The following SAMD12 variants were observed in gnomAD, a reference collection of about 807,000 sequenced individuals.
The protein encoded by SAMD12 is sterile alpha motif domain containing 12, also known as sterile alpha motif domain-containing protein 12.
In SAMD12, 9 loss-of-function variants were observed where a neutral mutation model predicts 15.0. The ratio of observed to expected loss-of-function variants is 0.60; its 90% CI spans 0.36 to 1.05. The LOEUF is 1.05. Ranked by LOEUF, SAMD12 falls within the 50% of genes least tolerant of loss-of-function variation. The pLI, the probability that SAMD12 is intolerant of heterozygous loss-of-function variation, is 0.01. For missense variants in SAMD12, 230 were observed against 234.2 expected (o/e 0.98, Z 0.12); for synonymous variants, 86 against 90.1 (o/e 0.96, Z 0.25).
intron 4 of SAMD12, among the ~76,000 whole-genome samples, chr8:118,367,087 T>C (rs1425745968): frequency 6.6e-6 from 1 of 151,988 alleles, no homozygotes; most frequent in African/African-American, 2.4e-5. Context: ...AGAATTGGCA[T>C]GTAGAAATTC....
At chr8:118,482,834 G>C (rs1298773385) in intron 2 of SAMD12, among the ~76,000 whole-genome samples, 2 of 152,150 alleles carry the variant, frequency 1.3e-5, no homozygotes, top group Non-Finnish European at 2.9e-5. Flanking sequence ...GGATGCTTTT[G>C]CAATAAAATT....
At chr8:118,598,362 A>T (rs945920327) in intron 1 of SAMD12, among the ~76,000 whole-genome samples, 1 of 152,236 alleles carries the variant, frequency 6.6e-6, no homozygotes, top group Non-Finnish European at 1.5e-5. Flanking sequence ...CCTTACAAGA[A>T]GGGGAAGAGA....
chr8:118,490,295 A>G (rs975755667), intron 2 of SAMD12, among the ~76,000 whole-genome samples: 2 of 152,202 alleles, frequency 1.3e-5, no homozygotes, highest in Non-Finnish European at 2.9e-5. Flanking sequence ...AGTTTATAAT[A>G]GTGGGTCATG....
Position 118,451,806 on chromosome 8 carries a change from T to C in SAMD12, c.193-11845A>G, listed in dbSNP as rs549882779. 3.9e-5 allele frequency among the ~76,000 whole-genome samples: 6 copies of C among 152,254 alleles called. No homozygotes were observed. In the East Asian group the frequency reaches 1.2e-3, roughly 29 times the overall value. ...TTCCAATACTAGCATTCTTGGGCTT[T>C]AAAAGTTAGCCACCCCCAACCCCAG... is the stretch of plus-strand genomic sequence containing the variant. On this transcript the variant is annotated intron_variant, in intron 2 of 3. Transcript: ENST00000314727.
chr8:118,531,183 G>A (rs1474777157), intron 2 of SAMD12, among the ~76,000 whole-genome samples: 1 of 152,140 alleles, frequency 6.6e-6, no homozygotes, highest in Non-Finnish European at 1.5e-5. Flanking sequence ...TATTCAATAG[G>A]GAATCCTTTC....
At chr8:118,438,579 T>C (rs1822643659) in intron 3 of SAMD12, among the ~76,000 whole-genome samples, 1 of 151,994 alleles carries the variant, frequency 6.6e-6, no homozygotes, top group Non-Finnish European at 1.5e-5. Flanking sequence ...GAAACACACA[T>C]AGAAAACCAT....
chr8:118,240,336 A>T (rs1425542554), intron 4 of SAMD12, among the ~76,000 whole-genome samples: 2 of 152,178 alleles, frequency 1.3e-5, no homozygotes, highest in Non-Finnish European at 2.9e-5. Context: ...ATGAGATATA[A>T]TAACGTTTGT....
rs1586782985 is a variant in SAMD12 at position 118,519,951 on chromosome 8, T to C, written c.192+60764A>G. The stretch of plus-strand genomic sequence containing the variant: ...CATTGAAAAAAAAGTAATAATTACG[T>C]TGGTGCTTCCATAAGTTATAATTGC... On this transcript the variant is annotated intron_variant, in intron 2 of 3. Transcript: ENST00000314727. Among the ~76,000 whole-genome samples the C allele has an allele frequency of 2.0e-5, 3 of 152,150 alleles. No individual in the cohort carries two copies. In the East Asian group the frequency reaches 5.8e-4, roughly 29 times the overall value.
intron 2 of SAMD12, among the ~76,000 whole-genome samples, chr8:118,467,990 T>C (rs4074502): frequency 0.029 from 4,403 of 152,258 alleles, 179 homozygotes; most frequent in African/African-American, 0.086. Flanking sequence ...CAATGGGAGA[T>C]TGAAATCTGC....
chr8:118,582,443 C>A (rs529935937), intron 1 of SAMD12, among the ~76,000 whole-genome samples: 4 of 152,114 alleles, frequency 2.6e-5, no homozygotes, highest in Non-Finnish European at 5.9e-5. Flanking sequence ...TTTAAAAAAA[C>A]AAACTGATTG....
intron 2 of SAMD12, among the ~76,000 whole-genome samples, chr8:118,486,927 C>G (rs1824307296): frequency 6.6e-6 from 1 of 152,162 alleles, no homozygotes; most frequent in Non-Finnish European, 1.5e-5. Context: ...AGAATGCAGC[C>G]ACTGTCAAAC....
intron 4 of SAMD12, among the ~76,000 whole-genome samples, chr8:118,312,386 A>C (rs972971242): frequency 1.3e-5 from 2 of 152,184 alleles, no homozygotes; most frequent in South Asian, 4.1e-4. Flanking sequence ...TTTACTTGAA[A>C]GGCCATCCTC....
intron 1 of SAMD12, among the ~76,000 whole-genome samples, chr8:118,599,232 G>C (rs2131295191): frequency 6.6e-6 from 1 of 152,284 alleles, no homozygotes; most frequent in South Asian, 2.1e-4. Context: ...CAGCAGAGAT[G>C]CAACATGTCC....
intron 1 of SAMD12, among the ~76,000 whole-genome samples, chr8:118,610,871 T>C (rs1385035437): frequency 6.6e-6 from 1 of 152,210 alleles, no homozygotes; most frequent in African/African-American, 2.4e-5. Flanking sequence ...CATGAAATCC[T>C]GCAGTTCCCT....
intron 2 of SAMD12, among the ~76,000 whole-genome samples, chr8:118,545,700 A>G (rs1391040918): frequency 6.6e-6 from 1 of 152,224 alleles, no homozygotes; most frequent in African/African-American, 2.4e-5. Context: ...GAAAAAACAT[A>G]CTGGCAATGA....
At chr8:118,577,763 A>AC (rs1364716856) in intron 2 of SAMD12, among the ~76,000 whole-genome samples, 2 of 152,156 alleles carry the variant, frequency 1.3e-5, no homozygotes, top group Non-Finnish European at 2.9e-5. Context: ...TTCAAGGCAC[A>AC]CGTGGCCAAA....
chr8:118,551,158 G>C (rs1206756538), intron 2 of SAMD12, among the ~76,000 whole-genome samples: 1 of 152,192 alleles, frequency 6.6e-6, no homozygotes, highest in East Asian at 1.9e-4. Context: ...ATGGAAATCA[G>C]CTCTGCACCA....
At chr8:118,353,098 T>G (rs1438354152) in intron 4 of SAMD12, among the ~76,000 whole-genome samples, 2 of 152,102 alleles carry the variant, frequency 1.3e-5, no homozygotes, top group East Asian at 1.9e-4. Context: ...AATATACATT[T>G]ATATTTTATT....
intron 2 of SAMD12, among the ~76,000 whole-genome samples, chr8:118,538,817 G>A (rs1825915608): frequency 6.6e-6 from 1 of 152,206 alleles, no homozygotes; most frequent in Non-Finnish European, 1.5e-5. Context: ...ATTGGTGGAA[G>A]TCTCTACTCA....
Sources: gnomAD v4.1 joint callset for allele counts (sites outside exome capture counted in the v4.1 genomes callset) on GRCh38, gnomAD v4.1.1 for gene constraint, MANE v1.5 for transcripts, NCBI Gene and HGNC (gene_info 2026-07-23, HGNC 2026-07-21) for gene names.